AP2B1: variants seen among roughly 807,000 people sequenced by gnomAD.
The protein encoded by AP2B1 is AP-2 complex subunit beta.
AP2B1 carries 23 observed loss-of-function variants against 102.0 expected under a neutral mutation model. The ratio of observed to expected loss-of-function variants is 0.23; its 90% CI spans 0.16 to 0.32. The LOEUF is 0.32. AP2B1 is among the 10% of genes least tolerant of loss of function. AP2B1 has a pLI of 1.00. For synonymous variants in AP2B1, 381 were observed against 421.2 expected, an observed-to-expected ratio of 0.90 and a Z score of 1.17; for missense variants, 541 against 1,157.4, an observed-to-expected ratio of 0.47 and a Z score of 7.73.
intron 17 of AP2B1, among the ~76,000 whole-genome samples, chr17:35,674,550 C>A (rs1008062672): frequency 6.6e-6 from 1 of 152,106 alleles, no homozygotes; most frequent in Non-Finnish European, 1.5e-5. Flanking sequence ...ACTGAAAATA[C>A]AAAAATGAGC....
rs773149136 is a variant in AP2B1 at position 35,657,734 on chromosome 17, G to C, written c.1932G>C (p.Gln644His). 15 of 1,614,064 alleles carry C rather than the reference G, an allele frequency of 9.3e-6. No homozygotes were observed. The highest frequency in any genetic ancestry group is 2.7e-5 in the African/African-American group (2 of 74,928). ...LDLGPPVNVP[Q>H]VSSMQMGAVD... is the part of the protein sequence containing the mutation. ...TCGGTCCCCCAGTCAATGTGCCACA[G>C]GTGTCCTCCATGCAGATGGGAGCAG... The change falls in exon 14 of 22, where the codon CAG becomes CAC. Residue 644 changes from glutamine (Q) to histidine (H), a missense_variant. This residue lies in a region of AP2B1 where 27 missense variants were observed against 84.1 expected (regional missense o/e 0.32). Transcript: ENST00000610402.
chr17:35,681,696 C>T (rs2075826000), intron 17 of AP2B1, among the ~76,000 whole-genome samples: 1 of 152,120 alleles, frequency 6.6e-6, no homozygotes, highest in Admixed American at 6.5e-5. Context: ...AACCACCACA[C>T]CTGGCCTCAG....
chr17:35,652,278 A>G (rs1319922429), intron 13 of AP2B1, among the ~76,000 whole-genome samples: 1 of 152,208 alleles, frequency 6.6e-6, no homozygotes, highest in Non-Finnish European at 1.5e-5. Context: ...ATAAATGGGA[A>G]TGATACGTTG....
intron 9 of AP2B1, among the ~76,000 whole-genome samples, chr17:35,634,273 G>C (rs116419697): frequency 0.014 from 2,143 of 152,302 alleles, 54 homozygotes; most frequent in African/African-American, 0.045. Context: ...TTTGGCTGTT[G>C]TATCTTAGTG....
In AP2B1 at chr17:35,676,845, G is replaced by C. The variant is rs143029920; in HGVS notation, c.2324+2524G>C. Reference sequence around the variant, plus strand: ...AAATCTTTGCCTTTTGTTGTTTTTGGGGGGAGAGAGAGGATCGTCTTATTA... The same window carrying C: ...AAATCTTTGCCTTTTGTTGTTTTTGCGGGGAGAGAGAGGATCGTCTTATTA... On this transcript the variant is annotated intron_variant, in intron 17 of 21. Coordinates refer to ENST00000610402, the MANE Select transcript of AP2B1 (RefSeq NM_001030006.2). 2.9e-3 allele frequency among the ~76,000 whole-genome samples: 434 copies of C among 152,040 alleles called. 1 individual carries two copies. Among genetic ancestry groups the C allele is most frequent in the African/African-American group, 9.7e-3 (404 of 41,470 alleles).
intron 14 of AP2B1, among the ~76,000 whole-genome samples, chr17:35,665,964 A>T (rs1270773576): frequency 6.6e-6 from 1 of 152,232 alleles, no homozygotes; most frequent in Admixed American, 6.5e-5. Flanking sequence ...ATTCCTTTAT[A>T]AAATTTAAAA....
At chr17:35,631,596 T>C (rs1436709406) in intron 9 of AP2B1, among the ~76,000 whole-genome samples, 1 of 152,186 alleles carries the variant, frequency 6.6e-6, no homozygotes, top group African/African-American at 2.4e-5. Flanking sequence ...ATCATGGACA[T>C]TGATCCACAT....
chr17:35,708,502 G>A (rs1247810984), intron 18 of AP2B1, among the ~76,000 whole-genome samples: 3 of 151,772 alleles, frequency 2.0e-5, no homozygotes, highest in South Asian at 2.1e-4. Flanking sequence ...AATCATAGTC[G>A]AGAAGTTTGT....
rs2075650716 is a variant in AP2B1 at position 35,674,188 on chromosome 17, G to A, written c.2191G>A (p.Ala731Thr). The A allele has an allele frequency of 6.2e-7, 1 of 1,614,048 alleles. No homozygotes were observed. Among genetic ancestry groups the A allele is most frequent in the Non-Finnish European group, 8.5e-7 (1 of 1,179,922 alleles). Reference protein sequence around the residue: ...YVAPKAVWLPAVKAKGLEISG... With the variant: ...YVAPKAVWLPTVKAKGLEISG... The stretch of plus-strand genomic sequence containing the variant: ...TACTGTGTTTCAGGTCTGGCTACCT[G>A]CAGTAAAGGCTAAAGGCTTGGAGAT... Residue 731 changes from alanine (A) to threonine (T), a missense_variant, in exon 17 of 22, where the codon GCA becomes ACA. Transcript: ENST00000610402.
At position 35,674,059 on chromosome 17, in the gene AP2B1, A is replaced by C. The variant is rs571851400; in HGVS notation, c.2179-117A>C. 1.8e-5 allele frequency: 18 copies of C among 1,023,188 alleles called. No individual in the cohort carries two copies. The East Asian group carries it at 4.0e-4, about 23-fold the overall frequency. 63.4% of individuals were successfully genotyped at this position (1,023,188 alleles called of 1,614,324 possible). A position where few individuals can be genotyped will look rare whatever the true frequency, so the allele number is the denominator to read the frequency against. On this transcript the variant is annotated intron_variant, in intron 16 of 21. Transcript: ENST00000610402. ...AGTATAAAAATTACTATAATTGCCTAAGGAAGTGAATTTGTTCACTTAATT... is the reference window on the plus strand; with the variant it reads ...AGTATAAAAATTACTATAATTGCCTCAGGAAGTGAATTTGTTCACTTAATT...
chr17:35,700,872 G>A (rs2076226560), intron 18 of AP2B1, among the ~76,000 whole-genome samples: 1 of 152,172 alleles, frequency 6.6e-6, no homozygotes, highest in African/African-American at 2.4e-5. Context: ...GCCTGCTTTT[G>A]TGTTTTCAAA....
chr17:35,675,474 T>A (rs1252126979), intron 17 of AP2B1, among the ~76,000 whole-genome samples: 1 of 152,262 alleles, frequency 6.6e-6, no homozygotes, highest in Non-Finnish European at 1.5e-5. Flanking sequence ...CTGTCAAGAC[T>A]ACCAATGTTT....
At chr17:35,690,011 ATTCT>A in intron 18 of AP2B1, among the ~76,000 whole-genome samples, 1 of 152,184 alleles carries the variant, frequency 6.6e-6, no homozygotes, top group African/African-American at 2.4e-5. Context: ...ATGTTTTGTC[ATTCT>A]TCAGATTTTT....
intron 2 of AP2B1, among the ~76,000 whole-genome samples, chr17:35,596,566 T>A (rs1388406878): frequency 6.6e-6 from 1 of 151,108 alleles, no homozygotes; most frequent in African/African-American, 2.4e-5. Context: ...AATGTCCCAG[T>A]CCTCGGGCGC....
chr17:35,656,268 T>TAGGGGGCCAGGGGGC (rs11272639), intron 13 of AP2B1, among the ~76,000 whole-genome samples: 1 of 151,870 alleles, frequency 6.6e-6, no homozygotes, highest in African/African-American at 2.4e-5. Context: ...TTGTGAACCA[T>TAGGGGGCCAGGGGGC]AGGGGGCCAA....
intron 9 of AP2B1, among the ~76,000 whole-genome samples, chr17:35,630,870 G>C (rs2074442999): frequency 6.6e-6 from 1 of 152,088 alleles, no homozygotes; most frequent in Non-Finnish European, 1.5e-5. Context: ...AGATTACCCA[G>C]ATTTACCTTA....
At chr17:35,720,786 A>G (rs1466525429) in intron 21 of AP2B1, among the ~76,000 whole-genome samples, 5 of 148,978 alleles carry the variant, frequency 3.4e-5, no homozygotes, top group Admixed American at 2.0e-4. Flanking sequence ...CCTCTTTCCT[A>G]TTCTTCATCC....
chr17:35,685,179 A>G (rs934127261), intron 18 of AP2B1, among the ~76,000 whole-genome samples: 5 of 152,196 alleles, frequency 3.3e-5, no homozygotes, highest in South Asian at 2.1e-4. Context: ...AATTGTGGCT[A>G]TTTTCTCATT....
intron 20 of AP2B1, among the ~76,000 whole-genome samples, chr17:35,715,638 C>G (rs1555589499): frequency 6.6e-6 from 1 of 152,210 alleles, no homozygotes; most frequent in Non-Finnish European, 1.5e-5. Context: ...GCTGCAAGAG[C>G]CCTTCATTGT....
Sources: allele counts gnomAD v4.1 joint callset (sites outside exome capture counted in the v4.1 genomes callset), GRCh38; gene constraint gnomAD v4.1.1; regional missense constraint gnomAD v4.1.1; transcripts MANE v1.5; gene names NCBI Gene and HGNC (gene_info 2026-07-23, HGNC 2026-07-21).